The following WDR62 variants were observed in gnomAD, a reference collection of about 807,000 sequenced individuals.
The protein encoded by WDR62 is WD repeat domain 62.
WDR62 carries 112 observed loss-of-function variants against 160.6 expected under a neutral mutation model. The ratio of observed to expected loss-of-function variants is 0.70; its 90% CI spans 0.60 to 0.82. The LOEUF (loss-of-function observed/expected upper bound fraction) is 0.82, where lower values mean the gene tolerates loss of function less well. Ranked by LOEUF, WDR62 falls within the 40% of genes least tolerant of loss-of-function variation. The pLI is 0.00. For synonymous variants in WDR62, 792 were observed against 815.1 expected (o/e 0.97, Z 0.48); for missense variants, 1,819 against 1,983.8 (o/e 0.92, Z 1.58).
Position 36,094,043 on chromosome 19 carries a change from T to C in WDR62, c.2346T>C (p.Tyr782=), listed in dbSNP as rs1972799852. The C allele has an allele frequency of 6.2e-7, 1 of 1,613,964 alleles. No homozygotes were observed. The highest frequency in any genetic ancestry group is 2.2e-5 in the East Asian group (1 of 44,880). The change falls in exon 20 of 32, where the codon TAT becomes TAC. Residue 782 remains tyrosine, a synonymous_variant. Transcript: ENST00000401500. ...TTCCTGGCTTTAGGCAGGATACGTATGTGTCCACACCTAGTGAGATTCACT... is the reference window on the plus strand; with the variant it reads ...TTCCTGGCTTTAGGCAGGATACGTACGTGTCCACACCTAGTGAGATTCACT... ...KRSGHPRQDT[Y]VSTPSEIHSL... is the part of the protein sequence containing the mutation.
chr19:36,104,306 CAG>C (rs950403786), intron 30 of WDR62, among the ~76,000 whole-genome samples: 5 of 151,092 alleles, frequency 3.3e-5, no homozygotes, highest in East Asian at 2.0e-4. Flanking sequence ...AGGGTGGGGA[CAG>C]GGGTTGGGAT....
Position 36,103,950 on chromosome 19 carries a change from C to T in WDR62, c.4122C>T (p.Gly1374=), listed in dbSNP as rs773948810. 234 of 1,598,516 alleles carry T rather than the reference C, an allele frequency of 1.5e-4. No homozygotes were observed. Among genetic ancestry groups the T allele is most frequent in the Non-Finnish European group, 1.8e-4 (216 of 1,179,922 alleles). The change falls in exon 30 of 32, where the codon GGC becomes GGT. Residue 1374 remains glycine, a synonymous_variant. Coordinates refer to ENST00000401500, the MANE Select transcript of WDR62 (RefSeq NM_001083961.2). The part of the protein sequence containing the change: ...QLPEARPGIP[G]GTASLLEPTS... ...CAGAGGCCCGGCCTGGCATCCCTGG[C>T]GGCACTGCCTCCCTCCTGGAGCCCA...
At chr19:36,066,082 C>G (rs1970922423) in intron 4 of WDR62, 67 bp downstream of exon 4, 2 of 1,595,988 alleles carry the variant, frequency 1.3e-6, no homozygotes, top group Admixed American at 1.7e-5. Context: ...TCCTTCTGCT[C>G]CCGGCAGGCC....
chr19:36,103,782 C>G lies in WDR62; in HGVS notation c.3954C>G (p.Gly1318=), dbSNP rs773442664. The G allele has an allele frequency of 2.2e-5, 36 of 1,609,918 alleles. No homozygotes were observed. The highest frequency in any genetic ancestry group is 2.7e-5 in the Non-Finnish European group (32 of 1,179,662). ...AGCCCCCCGTGGATACCCAGCCTGGCGTCACCGTCCCTGCAGTGAGCTTCC... is the reference window on the plus strand; with the variant it reads ...AGCCCCCCGTGGATACCCAGCCTGGGGTCACCGTCCCTGCAGTGAGCTTCC... The part of the protein sequence containing the change: ...LLQPPVDTQP[G]VTVPAVSFPA... The change falls in exon 30 of 32, where the codon GGC becomes GGG. Residue 1318 remains glycine, a synonymous_variant. Coordinates refer to ENST00000401500, the MANE Select transcript of WDR62 (RefSeq NM_001083961.2).
chr19:36,104,971 G>A lies in WDR62; in HGVS notation c.4515G>A (p.Leu1505=), dbSNP rs1193928318. ...CCAGCCCAGACCTGCAGGCCCTGCT[G>A]GAACACTACTCGGAGCTGCTGGTGC... The part of the protein sequence containing the change: ...PLASPDLQAL[L]EHYSELLVQA... Residue 1505 remains leucine, a synonymous_variant, in exon 32 of 32, where the codon CTG becomes CTA. Transcript: ENST00000401500. 5 of 1,605,370 alleles carry A rather than the reference G, an allele frequency of 3.1e-6. No homozygotes were observed. In the Admixed American group the frequency reaches 6.7e-5, roughly 22 times the overall value.
Position 36,084,675 on chromosome 19 carries a change from G to C in WDR62, c.1573G>C (p.Asp525His). 1.9e-6 allele frequency: 3 copies of C among 1,613,918 alleles called. No homozygotes were observed. The highest frequency in any genetic ancestry group is 2.5e-6 in the Non-Finnish European group (3 of 1,180,004). ...NLRIHELHFM[D>H]ELVKVEAHDA... ...CAGGATCCACGAGCTGCACTTCATG[G>C]ACGAGCTGGTCAAGGTGGAGGCCCA... The change falls in exon 12 of 32, where the codon GAC (aspartate) becomes CAC (histidine). Residue 525 changes from aspartate to histidine, a missense_variant. By Grantham distance (81) the Asp-to-His change is moderately conservative. Around this residue, in one of 3 missense-constraint regions of WDR62, gnomAD observed 934 missense variants for 1,157.2 expected, o/e 0.81. Transcript: ENST00000401500.
intron 21 of WDR62, among the ~76,000 whole-genome samples, chr19:36,098,541 G>A (rs1179470697): frequency 1.3e-5 from 2 of 150,244 alleles, no homozygotes; most frequent in East Asian, 3.9e-4. Flanking sequence ...CTCCAGCCTG[G>A]CGACAGAGTG....
At chr19:36,097,150 G>C in intron 21 of WDR62, 71 bp downstream of exon 21, 1 of 1,491,612 alleles carries the variant, frequency 6.7e-7, no homozygotes, top group Non-Finnish European at 9.3e-7. Flanking sequence ...CCTTCTGGAA[G>C]CCCTTTTTCC....
chr19:36,098,449 C>T (rs759837311), intron 21 of WDR62, among the ~76,000 whole-genome samples: 5 of 151,570 alleles, frequency 3.3e-5, no homozygotes, highest in Non-Finnish European at 5.9e-5. Flanking sequence ...CCTATAGTCC[C>T]AACTACTGGT....
intron 19 of WDR62, 132 bp from the exon 20 acceptor site, chr19:36,093,899 C>T: frequency 9.1e-7 from 1 of 1,104,732 alleles, no homozygotes; most frequent in East Asian, 2.4e-5. Context: ...GAGAGACTTG[C>T]CAGCACCATC....
chr19:36,057,342 T>C (rs922121971), intron 1 of WDR62, among the ~76,000 whole-genome samples: 10 of 152,178 alleles, frequency 6.6e-5, no homozygotes, highest in Admixed American at 6.5e-5. Context: ...AGCACAGAGT[T>C]GATCTGTCTT....
At position 36,103,635 on chromosome 19, in the gene WDR62, CACCGCG is replaced by C. The variant is rs1568372161; in HGVS notation, c.3810_3815del (p.Ala1271_Thr1272del). On this transcript the variant is annotated inframe_deletion, in exon 30 of 32. Coordinates refer to ENST00000401500, the MANE Select transcript of WDR62 (RefSeq NM_001083961.2). ...TGGGCCAGGAGCTTCAGGCCATCAC[CACCGCG>C]ACAACACCCAGTTTGGACAGTGAGG... 6.2e-7 allele frequency: 1 copy of C among 1,610,048 alleles called. No homozygotes were observed. The highest frequency in any genetic ancestry group is 1.7e-5 in the Admixed American group (1 of 59,982).
intron 9 of WDR62, among the ~76,000 whole-genome samples, chr19:36,076,718 A>G (rs1337115852): frequency 6.6e-6 from 1 of 152,136 alleles, no homozygotes; most frequent in African/African-American, 2.4e-5. Flanking sequence ...GTGGAATTAG[A>G]ATATCCCCAG....
intron 6 of WDR62, 120 bp from the exon 7 acceptor site, chr19:36,067,708 C>G: frequency 1.6e-6 from 2 of 1,226,094 alleles, no homozygotes; most frequent in Non-Finnish European, 2.3e-6. Context: ...CTAGTGTTTT[C>G]TTCCCTTCTC....
chr19:36,066,090 G>T, intron 4 of WDR62, 75 bp downstream of exon 4: 1 of 1,587,114 alleles, frequency 6.3e-7, no homozygotes, highest in Non-Finnish European at 8.6e-7. Flanking sequence ...CTCCCGGCAG[G>T]CCTGGGAGTC....
intron 21 of WDR62, among the ~76,000 whole-genome samples, chr19:36,097,713 A>G (rs2145833722): frequency 6.6e-6 from 1 of 152,082 alleles, no homozygotes; most frequent in East Asian, 1.9e-4. Flanking sequence ...GTGAGACCCC[A>G]TCTCTACAAA....
intron 7 of WDR62, among the ~76,000 whole-genome samples, chr19:36,069,140 C>T (rs1323886849): frequency 2.0e-4 from 31 of 151,726 alleles, no homozygotes; most frequent in Non-Finnish European, 1.5e-5. Flanking sequence ...CCCCACCTCC[C>T]TCCCGGACTG....
At chr19:36,080,603 T>C (rs576684805) in intron 9 of WDR62, among the ~76,000 whole-genome samples, 1 of 151,134 alleles carries the variant, frequency 6.6e-6, no homozygotes, top group African/African-American at 2.4e-5. Context: ...GGATTACAGG[T>C]GTGCACCACC....
At chr19:36,109,841 T>G (rs10427033), downstream of WDR62, among the ~76,000 whole-genome samples, 113,597 of 151,284 alleles carry the variant, frequency 0.75, 42,822 homozygotes, top group African/African-American at 0.82. Context: ...ATCACCTGCA[T>G]TTAGGAGTTT....
Sources: allele counts gnomAD v4.1 joint callset (sites outside exome capture counted in the v4.1 genomes callset), GRCh38; gene constraint gnomAD v4.1.1; regional missense constraint gnomAD v4.1.1; transcripts MANE v1.5; gene names NCBI Gene and HGNC (gene_info 2026-07-23, HGNC 2026-07-21).